Variants in MAOA observed in about 807,000 individuals in gnomAD.
MAOA encodes the protein amine oxidase [flavin-containing] A.
In MAOA, 6 loss-of-function variants were observed where a neutral mutation model predicts 42.0. The ratio of observed to expected loss-of-function variants is 0.14; its 90% CI spans 0.08 to 0.28. MAOA has a LOEUF of 0.28. Ranked by LOEUF, MAOA falls within the 10% of genes least tolerant of loss-of-function variation. The pLI is 1.00. For missense variants in MAOA, 262 were observed against 422.3 expected (o/e 0.62, Z 3.33); for synonymous variants, 140 against 154.0 (o/e 0.91, Z 0.67).
intron 1 of MAOA, among the ~76,000 whole-genome samples, chrX:43,679,312 G>A (rs1344887201): frequency 2.8e-5 from 3 of 109,062 alleles, no homozygotes; most frequent in Admixed American, 1.0e-4. Context: ...CCTGAGTAGT[G>A]TTTATTTATT....
chrX:43,706,624 C>CATAAATAAATAAATAAATAAATAA (rs746283353), intron 3 of MAOA, among the ~76,000 whole-genome samples: 40 of 104,884 alleles, frequency 3.8e-4, no homozygotes, highest in African/African-American at 1.4e-3. Flanking sequence ...ATCTCTACAA[C>CATAAATAAATAAATAAATAAATAA]ATAAATAAAT....
At chrX:43,700,036 A>G (rs182029971) in intron 3 of MAOA, among the ~76,000 whole-genome samples, 2 of 112,451 alleles carry the variant, frequency 1.8e-5, no homozygotes, top group African/African-American at 6.4e-5. Context: ...CAAGAAGCGG[A>G]AAGTGTGAAG....
intron 3 of MAOA, among the ~76,000 whole-genome samples, chrX:43,703,157 C>A (rs1210373079): frequency 1.8e-5 from 2 of 111,719 alleles, no homozygotes; most frequent in Non-Finnish European, 3.8e-5. Context: ...CATGCCATCA[C>A]CCTATCTCTG....
intron 2 of MAOA, among the ~76,000 whole-genome samples, chrX:43,692,061 T>C (rs1202406639): frequency 3.9e-5 from 4 of 101,461 alleles, no homozygotes; most frequent in Admixed American, 1.1e-4. Context: ...CTTTAAAGCA[T>C]TAAAGAGCCA....
At chrX:43,669,181 C>T (rs1165960529) in intron 1 of MAOA, among the ~76,000 whole-genome samples, 1 of 106,246 alleles carries the variant, frequency 9.4e-6, no homozygotes, top group Non-Finnish European at 1.9e-5. Flanking sequence ...GAGACTGAGG[C>T]GGGCGGATCA....
At chrX:43,695,679 C>A (rs904076841) in intron 3 of MAOA, among the ~76,000 whole-genome samples, 3 of 111,670 alleles carry the variant, frequency 2.7e-5, no homozygotes, top group African/African-American at 9.8e-5. Context: ...TTACAGTGAG[C>A]CATGATCATG....
chrX:43,669,797 C>T (rs769283013), intron 1 of MAOA, among the ~76,000 whole-genome samples: 1 of 111,511 alleles, frequency 9.0e-6, no homozygotes, highest in East Asian at 2.8e-4. Flanking sequence ...TTTTTTTTAC[C>T]TTTATTGTAA....
intron 1 of MAOA, 71 bp from the exon 2 acceptor site, chrX:43,683,442 G>A: frequency 4.0e-6 from 3 of 744,584 alleles, no homozygotes; most frequent in South Asian, 2.1e-5. Flanking sequence ...TTTATTTGAT[G>A]TGTAGACCTG....
At chrX:43,716,682 C>A (rs1385201737) in intron 5 of MAOA, among the ~76,000 whole-genome samples, 2 of 109,897 alleles carry the variant, frequency 1.8e-5, no homozygotes, top group Non-Finnish European at 3.8e-5. Context: ...CACGAATGAC[C>A]CACAGAAGTC....
intron 5 of MAOA, among the ~76,000 whole-genome samples, chrX:43,718,778 G>A (rs1026973167): frequency 9.0e-6 from 1 of 110,625 alleles, no homozygotes; most frequent in African/African-American, 3.3e-5. Context: ...GGATGGTACC[G>A]CCCAGGAATG....
At chrX:43,659,544 C>G (rs1767253337) in intron 1 of MAOA, among the ~76,000 whole-genome samples, 1 of 111,250 alleles carries the variant, frequency 9.0e-6, no homozygotes, top group African/African-American at 3.3e-5. Flanking sequence ...CTTTGGGGCT[C>G]TTGGTACTCT....
intron 10 of MAOA, 32 bp from the exon 11 acceptor site, chrX:43,740,649 T>C: frequency 8.8e-7 from 1 of 1,132,339 alleles, no homozygotes; most frequent in Non-Finnish European, 1.2e-6. Flanking sequence ...TCCCTAACTT[T>C]ATTTTTTTTT....
At chrX:43,742,189 T>C in intron 12 of MAOA, 142 bp downstream of exon 12, 1 of 1,030,898 alleles carries the variant, frequency 9.7e-7, no homozygotes. Context: ...TTTCTGGATG[T>C]CCATAGAAAA....
At chrX:43,710,708 C>T (rs1462286008) in intron 3 of MAOA, among the ~76,000 whole-genome samples, 1 of 112,010 alleles carries the variant, frequency 8.9e-6, no homozygotes, top group Non-Finnish European at 1.9e-5. Flanking sequence ...CCTAGGGACT[C>T]ACCTCTACTC....
chrX:43,714,532 A>G (rs1223372901), intron 5 of MAOA, among the ~76,000 whole-genome samples: 1 of 110,548 alleles, frequency 9.0e-6, no homozygotes. Flanking sequence ...TCATCCACCA[A>G]CAACCCAGAG....
At chrX:43,679,269 C>T (rs774318954) in intron 1 of MAOA, among the ~76,000 whole-genome samples, 10 of 109,771 alleles carry the variant, frequency 9.1e-5, no homozygotes, top group African/African-American at 3.0e-4. Context: ...TGTATTGGCT[C>T]AGAAGCCCTG....
chrX:43,715,788 G>A (rs2033738302), intron 5 of MAOA, among the ~76,000 whole-genome samples: 2 of 110,845 alleles, frequency 1.8e-5, no homozygotes, highest in South Asian at 7.8e-4. Context: ...AGACAGGACA[G>A]GGTGGATACT....
intron 1 of MAOA, among the ~76,000 whole-genome samples, chrX:43,679,592 G>A (rs1287727810): frequency 9.0e-6 from 1 of 110,834 alleles, no homozygotes; most frequent in Non-Finnish European, 1.9e-5. Context: ...CCCCACCACT[G>A]TTGTTCAAAG....
rs185940981 is a variant in MAOA, at chrX:43,699,226, T to A, written c.306+5798T>A. ...CAGCTGGACCTGAATGCCAAGTGGATTGATTCATTACTTGCATTAGTAAAT... is the reference window on the plus strand; with the variant it reads ...CAGCTGGACCTGAATGCCAAGTGGAATGATTCATTACTTGCATTAGTAAAT... On this transcript the variant is annotated intron_variant, in intron 3 of 14. Transcript: ENST00000338702. 3.8e-3 allele frequency among the ~76,000 whole-genome samples: 421 copies of A among 112,180 alleles called. 3 individuals carry two copies. The highest frequency in any genetic ancestry group is 0.013 in the African/African-American group (394 of 30,913).
Sources: gnomAD v4.1 joint callset for allele counts (sites outside exome capture counted in the v4.1 genomes callset) on GRCh38, gnomAD v4.1.1 for gene constraint, MANE v1.5 for transcripts, NCBI Gene and HGNC (gene_info 2026-07-23, HGNC 2026-07-21) for gene names.